The following CNTN6 variants were observed in gnomAD, a reference collection of about 807,000 sequenced individuals.
The protein encoded by CNTN6 is contactin 6, also known as contactin-6.
A neutral mutation model predicts 122.8 loss-of-function variants in CNTN6; 137 were observed. The observed-to-expected ratio is 1.12, with a 90% CI of 0.97 to 1.29. CNTN6 has a LOEUF of 1.29. Among genes scored for constraint, CNTN6 ranks in the 50% most tolerant of loss-of-function variants. The pLI is 0.00. For synonymous variants in CNTN6, 570 were observed against 426.0 expected (o/e 1.34, Z -4.16); for missense variants, 1,634 against 1,223.4 (o/e 1.34, Z -5.01).
intron 5 of CNTN6, among the ~76,000 whole-genome samples, chr3:1,283,736 A>G (rs1693868275): frequency 6.6e-6 from 1 of 152,168 alleles, no homozygotes; most frequent in Admixed American, 6.5e-5. Flanking sequence ...TCAGTGGCTC[A>G]CACCTGTAAT....
intron 11 of CNTN6, among the ~76,000 whole-genome samples, chr3:1,349,945 A>G (rs1705366662): frequency 6.6e-6 from 1 of 151,864 alleles, no homozygotes; most frequent in African/African-American, 2.4e-5. Flanking sequence ...TCCTAGATCA[A>G]CAGAGAGAAC....
At chr3:1,127,986 T>G (rs1359164100) in intron 1 of CNTN6, among the ~76,000 whole-genome samples, 1 of 151,922 alleles carries the variant, frequency 6.6e-6, no homozygotes. Context: ...AGTTTCAAAG[T>G]TTTGTATTAG....
chr3:1,386,666 ATTAT>A (rs1274336761), intron 20 of CNTN6, among the ~76,000 whole-genome samples: 7 of 152,184 alleles, frequency 4.6e-5, no homozygotes, highest in African/African-American at 1.7e-4. Flanking sequence ...ATGAACACAA[ATTAT>A]TCATAAAATC....
At position 1,116,963 on chromosome 3, in the gene CNTN6, G is replaced by A. The variant is rs144792328; in HGVS notation, c.-83+23843G>A. Reference sequence around the variant, plus strand: ...CAAGTGATCCACCTCCCTCAGTCTCGCAAATTTCCCTCTGTGGCTTCACAG... The same window carrying A: ...CAAGTGATCCACCTCCCTCAGTCTCACAAATTTCCCTCTGTGGCTTCACAG... On this transcript the variant is annotated intron_variant, in intron 1 of 22. Transcript: ENST00000446702. 9.2e-5 allele frequency among the ~76,000 whole-genome samples: 14 copies of A among 152,010 alleles called. No individual in the cohort carries two copies. In the East Asian group the frequency reaches 1.9e-3, roughly 21 times the overall value.
At chr3:1,403,106 T>C (rs1049555542) in intron 22 of CNTN6, among the ~76,000 whole-genome samples, 2 of 152,114 alleles carry the variant, frequency 1.3e-5, no homozygotes, top group African/African-American at 4.8e-5. Context: ...ATTTAGGGAT[T>C]TTCCTTTTGC....
chr3:1,391,238 G>A (rs2126223598), intron 20 of CNTN6, among the ~76,000 whole-genome samples: 1 of 111,950 alleles, frequency 8.9e-6, no homozygotes, highest in East Asian at 2.3e-4. Flanking sequence ...TGGGATGCAA[G>A]GCTGGTTCAA....
intron 4 of CNTN6, among the ~76,000 whole-genome samples, chr3:1,245,280 CACATAT>C (rs2094559328): frequency 6.1e-4 from 3 of 4,948 alleles, no homozygotes; most frequent in African/African-American, 2.6e-3. Flanking sequence ...TATATACACA[CACATAT>C]ATATATAACA....
At chr3:1,294,256 C>T (rs1695821498) in intron 5 of CNTN6, among the ~76,000 whole-genome samples, 2 of 152,082 alleles carry the variant, frequency 1.3e-5, no homozygotes, top group Admixed American at 6.5e-5. Context: ...AAATGAAATA[C>T]TATCCACAAT....
At chr3:1,334,101 G>T (rs1229856822) in intron 11 of CNTN6, among the ~76,000 whole-genome samples, 1 of 152,158 alleles carries the variant, frequency 6.6e-6, no homozygotes, top group Non-Finnish European at 1.5e-5. Flanking sequence ...TGTCAGAGGA[G>T]AAAAGTGTTT....
intron 1 of CNTN6, among the ~76,000 whole-genome samples, chr3:1,101,707 C>G (rs767623845): frequency 6.6e-6 from 1 of 152,140 alleles, no homozygotes; most frequent in Non-Finnish European, 1.5e-5. Context: ...CCATTGGCTC[C>G]ACAAACATTA....
intron 2 of CNTN6, among the ~76,000 whole-genome samples, chr3:1,149,709 A>C (rs900611523): frequency 2.0e-5 from 3 of 152,162 alleles, no homozygotes; most frequent in Admixed American, 6.5e-5. Context: ...TAGATTAAGA[A>C]AAGACAGAGA....
intron 17 of CNTN6, among the ~76,000 whole-genome samples, chr3:1,377,753 C>G (rs759969036): frequency 4.8e-4 from 73 of 152,144 alleles, no homozygotes; most frequent in Non-Finnish European, 8.2e-4. Context: ...TTTAATTTAT[C>G]TTTCCCCATT....
At position 1,383,876 on chromosome 3, in the gene CNTN6, C is replaced by T. The variant is rs140507776; in HGVS notation, c.2517+468C>T. ...AGGGTGGTAACCTCCAGGCCATTGCCATAGAAAGGGATGGTAACTTCCAGG... is the reference window on the plus strand; with the variant it reads ...AGGGTGGTAACCTCCAGGCCATTGCTATAGAAAGGGATGGTAACTTCCAGG... On this transcript the variant is annotated intron_variant, in intron 19 of 22. Coordinates refer to ENST00000446702, the MANE Select transcript of CNTN6 (RefSeq NM_001289080.2). 6.2e-3 allele frequency among the ~76,000 whole-genome samples: 943 copies of T among 152,242 alleles called. 12 individuals carry two copies. Among genetic ancestry groups the T allele is most frequent in the African/African-American group, 0.022 (897 of 41,532 alleles).
chr3:1,095,555 A>G, intron 1 of CNTN6, among the ~76,000 whole-genome samples: 1 of 152,224 alleles, frequency 6.6e-6, no homozygotes, highest in East Asian at 1.9e-4. Context: ...AACTGAAAAA[A>G]GAGAAGTTGA....
In CNTN6 at chr3:1,110,470, T is replaced by A. The variant is rs184523661; in HGVS notation, c.-83+17350T>A. Among the ~76,000 whole-genome samples the A allele has an allele frequency of 1.9e-3, 288 of 152,224 alleles. 1 individual carries two copies. The highest frequency in any genetic ancestry group is 6.4e-3 in the African/African-American group (268 of 41,568). ...GGCTGGAAGACATCAATACCATGCA[T>A]TGTTCCTTGGATGGTGGGCTAGGCA... On this transcript the variant is annotated intron_variant, in intron 1 of 22. Coordinates refer to ENST00000446702, the MANE Select transcript of CNTN6 (RefSeq NM_001289080.2).
chr3:1,355,494 A>G (rs1706400079), intron 12 of CNTN6, among the ~76,000 whole-genome samples: 1 of 151,770 alleles, frequency 6.6e-6, no homozygotes, highest in African/African-American at 2.4e-5. Context: ...AGCCTAGCAT[A>G]GGAAAAAATT....
intron 4 of CNTN6, among the ~76,000 whole-genome samples, chr3:1,253,425 A>G (rs1302638906): frequency 1.3e-5 from 2 of 152,198 alleles, no homozygotes; most frequent in Non-Finnish European, 2.9e-5. Context: ...ATATGTTGAT[A>G]AATGGTTATG....
At chr3:1,102,238 C>T (rs1037480518) in intron 1 of CNTN6, among the ~76,000 whole-genome samples, 1 of 152,100 alleles carries the variant, frequency 6.6e-6, no homozygotes, top group Non-Finnish European at 1.5e-5. Context: ...GTAAGGAGCT[C>T]TATATGGAGA....
intron 12 of CNTN6, among the ~76,000 whole-genome samples, chr3:1,371,284 C>T (rs1319471121): frequency 1.3e-5 from 2 of 151,864 alleles, no homozygotes; most frequent in African/African-American, 2.4e-5. Context: ...TTATAAATTA[C>T]CCATGGAGAA....
Sources: gnomAD v4.1 joint callset for allele counts (sites outside exome capture counted in the v4.1 genomes callset) on GRCh38, gnomAD v4.1.1 for gene constraint, MANE v1.5 for transcripts, NCBI Gene and HGNC (gene_info 2026-07-23, HGNC 2026-07-21) for gene names.